Variants in PACSIN1 observed in about 807,000 individuals in gnomAD.
PACSIN1 encodes the protein protein kinase C and casein kinase substrate in neurons 1, also known as protein kinase C and casein kinase substrate in neurons protein 1.
A neutral mutation model predicts 59.5 loss-of-function variants in PACSIN1; 15 were observed. The ratio of observed to expected loss-of-function variants is 0.25; its 90% CI spans 0.17 to 0.39. The LOEUF (loss-of-function observed/expected upper bound fraction) is 0.39. Among genes scored for constraint, PACSIN1 ranks in the 10% least tolerant of loss-of-function variants. The pLI, the probability that PACSIN1 is intolerant of heterozygous loss-of-function variation, is 1.00. For synonymous variants in PACSIN1, 210 were observed against 220.6 expected, an observed-to-expected ratio of 0.95 and a Z score of 0.42; for missense variants, 420 against 580.2, an observed-to-expected ratio of 0.72 and a Z score of 2.84.
chr6:34,531,537 CGG>C lies in PACSIN1; in HGVS notation c.1038-62_1038-61del. 1 of 1,522,122 alleles carries C rather than the reference CGG, an allele frequency of 6.6e-7. No individual in the cohort carries two copies. Among genetic ancestry groups the C allele is most frequent in the South Asian group, 1.2e-5 (1 of 85,854 alleles). 94.3% of individuals were successfully genotyped at this position (1,522,122 alleles called of 1,614,324 possible). A position where few individuals can be genotyped will look rare whatever the true frequency, so the allele number is the denominator to read the frequency against. Reference sequence around the variant, plus strand: ...GGATCAGGGCTCTGATTAGGAGGAGCGGTTAGCCCTCGGGATGCGGTACGGGG... The same window carrying C: ...GGATCAGGGCTCTGATTAGGAGGAGCTTAGCCCTCGGGATGCGGTACGGGG... On this transcript the variant is annotated intron_variant, in intron 8 of 9. Transcript: ENST00000244458. The surrounding 1 kb of genome is among the most constrained non-coding windows in gnomAD (Gnocchi z 4.4).
chr6:34,529,601 A>T lies in PACSIN1; in HGVS notation c.612+49A>T. ...TAGGGGGTCTGGGGGCCCCTTGCAG[A>T]GGGTGGTGGCTGGGAGCTGCAGGCC... On this transcript the variant is annotated intron_variant, in intron 5 of 9. Coordinates refer to ENST00000244458, the MANE Select transcript of PACSIN1 (RefSeq NM_020804.5). The surrounding 1 kb of genome is among the most constrained non-coding windows in gnomAD (Gnocchi z 6.3). The T allele has an allele frequency of 6.2e-7, 1 of 1,612,588 alleles. No homozygotes were observed. Among genetic ancestry groups the T allele is most frequent in the Non-Finnish European group, 8.5e-7 (1 of 1,178,800 alleles).
intron 1 of PACSIN1, among the ~76,000 whole-genome samples, chr6:34,523,870 G>A (rs1180023121): frequency 1.3e-5 from 2 of 152,194 alleles, no homozygotes; most frequent in Non-Finnish European, 2.9e-5. Context: ...TTCTTCCTGA[G>A]CCCACCACTG....
At position 34,521,168 on chromosome 6, in the gene PACSIN1, C is replaced by T. The variant is rs887000901; in HGVS notation, c.-63-5075C>T. Among the ~76,000 whole-genome samples the T allele has an allele frequency of 6.6e-6, 1 of 152,150 alleles. No individual in the cohort carries two copies. Among genetic ancestry groups the T allele is most frequent in the African/African-American group, 2.4e-5 (1 of 41,426 alleles). On this transcript the variant is annotated intron_variant, in intron 1 of 9. Transcript: ENST00000244458. The surrounding 1 kb of genome is among the most constrained non-coding windows in gnomAD (Gnocchi z 4.3). ...TTCCTGTGGGAAGGAGGACACGCAA[C>T]GTGATGAATGCCGTGCTGTGGATGC...
rs1174400893 is a variant in PACSIN1, at chr6:34,528,941, C to T, written c.456+64C>T. Reference sequence around the variant, plus strand: ...CCCGTCTGATCAGAGGGTGCTGATCCCAGGGAGGGCATCTATGGATGGGTG... The same window carrying T: ...CCCGTCTGATCAGAGGGTGCTGATCTCAGGGAGGGCATCTATGGATGGGTG... On this transcript the variant is annotated intron_variant, in intron 4 of 9. Coordinates refer to ENST00000244458, the MANE Select transcript of PACSIN1 (RefSeq NM_020804.5). 6 of 1,301,012 alleles carry T rather than the reference C, an allele frequency of 4.6e-6. No homozygotes were observed. The African/African-American group carries it at 8.7e-5, about 19-fold the overall frequency. The allele number at this position is 1,301,012 out of a possible 1,614,324, so 80.6% of individuals were successfully genotyped here.
chr6:34,492,874 T>TACTGGATA (rs1766898503), intron 1 of PACSIN1, among the ~76,000 whole-genome samples: 2 of 152,240 alleles, frequency 1.3e-5, no homozygotes. Flanking sequence ...GCTCACTACC[T>TACTGGATA]GGGTGCAATA....
intron 1 of PACSIN1, 137 bp from the exon 2 acceptor site, chr6:34,526,106 T>G: frequency 1.8e-6 from 1 of 566,870 alleles, no homozygotes; most frequent in Non-Finnish European, 3.1e-6. Context: ...GTCTGGTGAG[T>G]TAGTCTCTGG....
chr6:34,490,770 A>G (rs4713798), intron 1 of PACSIN1, among the ~76,000 whole-genome samples: 2,898 of 152,234 alleles, frequency 0.019, 285 homozygotes, highest in Admixed American at 0.15. Flanking sequence ...CGGAAACCCA[A>G]GCATGCCCCC....
chr6:34,485,827 G>A (rs1766785415), intron 1 of PACSIN1, among the ~76,000 whole-genome samples: 1 of 152,202 alleles, frequency 6.6e-6, no homozygotes, highest in Admixed American at 6.5e-5. Flanking sequence ...ATGCTGCCAA[G>A]GAGGAGGATT....
chr6:34,525,994 G>A lies in PACSIN1; in HGVS notation c.-63-249G>A, dbSNP rs1767474702. On this transcript the variant is annotated intron_variant, in intron 1 of 9. Transcript: ENST00000244458. This position sits in a 1 kb window ranked among gnomAD's most constrained non-coding sequence, Gnocchi z 4.9. ...GGGCTGGGGCTGGCTTCTGAACGGA[G>A]GTGCTCATACTGGATAGAGGATGGA... 6.6e-6 allele frequency among the ~76,000 whole-genome samples: 1 copy of A among 152,058 alleles called. No individual in the cohort carries two copies. Among genetic ancestry groups the A allele is most frequent in the Admixed American group, 6.5e-5 (1 of 15,288 alleles).
chr6:34,515,392 C>A lies in PACSIN1; in HGVS notation c.-63-10851C>A, dbSNP rs992263746. Among the ~76,000 whole-genome samples, 3 of 152,188 alleles carry A rather than the reference C, an allele frequency of 2.0e-5. No individual in the cohort carries two copies. Among genetic ancestry groups the A allele is most frequent in the African/African-American group, 7.2e-5 (3 of 41,440 alleles). On this transcript the variant is annotated intron_variant, in intron 1 of 9. Transcript: ENST00000244458. This position sits in a 1 kb window ranked among gnomAD's most constrained non-coding sequence, Gnocchi z 4.4. ...AGCAGGCCGAGGGAGGCTGGAGCCT[C>A]CAGGGACCCACAGTCTGAAGCTAGA...
rs527706594 is a variant in PACSIN1 at position 34,527,277 on chromosome 6, C to T, written c.64-55C>T. 23 of 1,428,234 alleles carry T rather than the reference C, an allele frequency of 1.6e-5. No individual in the cohort carries two copies. The South Asian group carries it at 3.3e-4, about 20-fold the overall frequency. The allele number at this position is 1,428,234 out of a possible 1,614,324, so 88.5% of individuals were successfully genotyped here. On this transcript the variant is annotated intron_variant, in intron 2 of 9. Coordinates refer to ENST00000244458, the MANE Select transcript of PACSIN1 (RefSeq NM_020804.5). ...GCGTGGCCGTGCTGGATGCGGCGGG[C>T]GGGGCTGGGGACGCTGGGAACCCGC... is the stretch of plus-strand genomic sequence containing the variant.
intron 1 of PACSIN1, among the ~76,000 whole-genome samples, chr6:34,507,835 A>G (rs1055512014): frequency 6.6e-6 from 1 of 152,052 alleles, no homozygotes; most frequent in African/African-American, 2.4e-5. Context: ...TATTTAAGTT[A>G]TCATAATATC....
At chr6:34,497,386 G>T (rs548913616) in intron 1 of PACSIN1, among the ~76,000 whole-genome samples, 5 of 152,246 alleles carry the variant, frequency 3.3e-5, no homozygotes, top group Admixed American at 3.3e-4. Context: ...CCTCCCAGTT[G>T]CCCTGTGAGG....
rs1767555187 is a variant in PACSIN1 at position 34,529,709 on chromosome 6, C to T, written c.656C>T (p.Thr219Ile). The T allele has an allele frequency of 6.2e-7, 1 of 1,614,130 alleles. No individual in the cohort carries two copies. Among genetic ancestry groups the T allele is most frequent in the Non-Finnish European group, 8.5e-7 (1 of 1,180,030 alleles). The change falls in exon 6 of 10, where the codon ACC (threonine) becomes ATC (isoleucine). Residue 219 changes from threonine to isoleucine, a missense_variant. By Grantham distance (89) the Thr-to-Ile change is moderately conservative. Coordinates refer to ENST00000244458, the MANE Select transcript of PACSIN1 (RefSeq NM_020804.5). The surrounding 1 kb of genome is among the most constrained non-coding windows in gnomAD (Gnocchi z 6.3). ...YEKVLEDVGK[T>I]TPQYMENMEQ... is the part of the protein sequence containing the mutation. ...AAAGTGCTGGAAGATGTGGGCAAGA[C>T]CACACCCCAGTACATGGAGAACATG...
At position 34,491,485 on chromosome 6, in the gene PACSIN1, G is replaced by A. The variant is rs901287945; in HGVS notation, c.-64+25215G>A. Reference sequence around the variant, plus strand: ...CCTAGAATCAGTCCTGACACCAACTGGGGTAGGTTAGGTTCTGACTTGGAG... The same window carrying A: ...CCTAGAATCAGTCCTGACACCAACTAGGGTAGGTTAGGTTCTGACTTGGAG... On this transcript the variant is annotated intron_variant, in intron 1 of 9. Coordinates refer to ENST00000244458, the MANE Select transcript of PACSIN1 (RefSeq NM_020804.5). 5.1e-4 allele frequency among the ~76,000 whole-genome samples: 78 copies of A among 152,118 alleles called. 2 individuals carry two copies. The highest frequency in any genetic ancestry group is 1.6e-4 in the Non-Finnish European group (11 of 68,018).
At chr6:34,503,601 G>T (rs2127259563) in intron 1 of PACSIN1, among the ~76,000 whole-genome samples, 1 of 152,274 alleles carries the variant, frequency 6.6e-6, no homozygotes, top group South Asian at 2.1e-4. Context: ...GAGAATGTGG[G>T]CTAGGGGTGC....
At chr6:34,501,592 AT>A (rs928178030) in intron 1 of PACSIN1, among the ~76,000 whole-genome samples, 11 of 151,980 alleles carry the variant, frequency 7.2e-5, no homozygotes, top group African/African-American at 1.9e-4. Flanking sequence ...TGTCTTTAGC[AT>A]TTTTTTTGAT....
chr6:34,511,750 T>A (rs1767206803), intron 1 of PACSIN1, among the ~76,000 whole-genome samples: 1 of 152,212 alleles, frequency 6.6e-6, no homozygotes, highest in South Asian at 2.1e-4. Context: ...ATGGGAATAT[T>A]ATGCAGATGA....
Position 34,529,738 on chromosome 6 carries a change from C to A in PACSIN1, c.685C>A (p.Gln229Lys), listed in dbSNP as rs765859064. 6.2e-7 allele frequency: 1 copy of A among 1,614,166 alleles called. No homozygotes were observed. Among genetic ancestry groups the A allele is most frequent in the Non-Finnish European group, 8.5e-7 (1 of 1,180,034 alleles). ...TTPQYMENME[Q>K]VFEQCQQFEE... ...ACCCCAGTACATGGAGAACATGGAG[C>A]AGGTGTTTGAGCAATGCCAGCAATT... The change falls in exon 6 of 10, where the codon CAG becomes AAG. Residue 229 changes from glutamine to lysine, a missense_variant. Gln to Lys is a moderately conservative substitution (Grantham distance 53). Coordinates refer to ENST00000244458, the MANE Select transcript of PACSIN1 (RefSeq NM_020804.5). This position sits in a 1 kb window ranked among gnomAD's most constrained non-coding sequence, Gnocchi z 6.3.
Sources: gnomAD v4.1 joint callset for allele counts (sites outside exome capture counted in the v4.1 genomes callset) on GRCh38, gnomAD v4.1.1 for gene constraint, Gnocchi (gnomAD v3.1) non-coding constraint, MANE v1.5 for transcripts, NCBI Gene and HGNC (gene_info 2026-07-23, HGNC 2026-07-21) for gene names.